The following RBMS3 variants were observed in gnomAD, a reference collection of about 807,000 sequenced individuals.
RBMS3 encodes the protein RNA-binding motif, single-stranded-interacting protein 3.
Under a neutral mutation model 66.8 loss-of-function variants are expected in RBMS3, and 27 were observed. That is an observed-to-expected ratio of 0.40 (90% CI 0.30 to 0.56). RBMS3 has a LOEUF of 0.56. Ranked by LOEUF, RBMS3 falls within the 20% of genes least tolerant of loss-of-function variation. The pLI, the probability that RBMS3 is intolerant of heterozygous loss-of-function variation, is 0.40. For synonymous variants in RBMS3, 188 were observed against 183.0 expected, an observed-to-expected ratio of 1.03 and a Z score of -0.22; for missense variants, 513 against 549.5, an observed-to-expected ratio of 0.93 and a Z score of 0.66.
chr3:29,553,775 T>C (rs76954829), intron 3 of RBMS3, among the ~76,000 whole-genome samples: 1,950 of 150,742 alleles, frequency 0.013, 42 homozygotes, highest in African/African-American at 0.045. Context: ...CATAAAACAA[T>C]TTTTATTACA....
At chr3:29,664,120 C>T (rs1460509564) in intron 4 of RBMS3, among the ~76,000 whole-genome samples, 5 of 152,064 alleles carry the variant, frequency 3.3e-5, no homozygotes, top group Admixed American at 6.6e-5. Flanking sequence ...AAGAGAATAA[C>T]GTCTCTAATT....
chr3:29,476,329 T>C (rs553761260), intron 2 of RBMS3, among the ~76,000 whole-genome samples: 4 of 152,372 alleles, frequency 2.6e-5, no homozygotes, highest in South Asian at 4.1e-4. Flanking sequence ...TAGAAGACTT[T>C]ACATACTCTT....
chr3:29,669,411 G>C (rs550015231), intron 4 of RBMS3, among the ~76,000 whole-genome samples: 2 of 152,296 alleles, frequency 1.3e-5, no homozygotes, highest in Admixed American at 1.3e-4. Flanking sequence ...AGACAATACT[G>C]AGTCACAGAA....
intron 1 of RBMS3, among the ~76,000 whole-genome samples, chr3:29,393,780 C>T (rs187054198): frequency 2.7e-5 from 4 of 147,756 alleles, no homozygotes; most frequent in South Asian, 4.5e-4. Flanking sequence ...TGGCAGGTTC[C>T]GTGATGCCCC....
chr3:29,655,556 G>A (rs1414572584), intron 4 of RBMS3, among the ~76,000 whole-genome samples: 8 of 152,280 alleles, frequency 5.3e-5, no homozygotes, highest in South Asian at 2.1e-4. Flanking sequence ...TCACATGTGC[G>A]TGATGATGCT....
intron 6 of RBMS3, among the ~76,000 whole-genome samples, chr3:29,809,099 A>T (rs555164193): frequency 2.0e-5 from 3 of 152,072 alleles, no homozygotes; most frequent in Non-Finnish European, 4.4e-5. Flanking sequence ...ATTTCATAAC[A>T]GTCAATGGAG....
At chr3:29,849,504 ACT>A (rs888002353) in intron 6 of RBMS3, among the ~76,000 whole-genome samples, 3 of 147,396 alleles carry the variant, frequency 2.0e-5, no homozygotes, top group Admixed American at 6.9e-5. Context: ...ACAGAGTGAG[ACT>A]CTGTCTCAAC....
chr3:29,844,656 G>T (rs1036683583), intron 6 of RBMS3, among the ~76,000 whole-genome samples: 1 of 152,150 alleles, frequency 6.6e-6, no homozygotes, highest in Admixed American at 6.5e-5. Context: ...TCAGATTTTT[G>T]ATTCAAACAA....
intron 10 of RBMS3, among the ~76,000 whole-genome samples, chr3:29,913,194 T>A (rs2060558420): frequency 6.6e-6 from 1 of 152,018 alleles, no homozygotes; most frequent in South Asian, 2.1e-4. Context: ...AACTATTTGA[T>A]GTGGACCATG....
intron 1 of RBMS3, among the ~76,000 whole-genome samples, chr3:29,384,426 T>TAAGAAGAAGAAGAAG (rs1260902457): frequency 6.4e-4 from 60 of 93,432 alleles, no homozygotes; most frequent in African/African-American, 1.2e-3. Flanking sequence ...CCAATAATAA[T>TAAGAAGAAGAAGAAG]AATAATAATA....
At chr3:29,400,511 G>A (rs1285205778) in intron 1 of RBMS3, among the ~76,000 whole-genome samples, 1 of 151,946 alleles carries the variant, frequency 6.6e-6, no homozygotes, top group Non-Finnish European at 1.5e-5. Flanking sequence ...TAGTGATTGT[G>A]CAACTATGTG....
intron 1 of RBMS3, among the ~76,000 whole-genome samples, chr3:29,426,006 A>G (rs2040944914): frequency 1.3e-5 from 2 of 152,162 alleles, no homozygotes; most frequent in Admixed American, 6.5e-5. Flanking sequence ...TATTGTTCAT[A>G]TTGTAGCTAA....
chr3:29,388,111 A>ACACACACACACG, intron 1 of RBMS3, among the ~76,000 whole-genome samples: 1 of 140,110 alleles, frequency 7.1e-6, no homozygotes, highest in Admixed American at 6.8e-5. Flanking sequence ...ACACACACAC[A>ACACACACACACG]TGTGTGTGTA....
At chr3:29,743,991 C>T (rs1009357746) in intron 5 of RBMS3, among the ~76,000 whole-genome samples, 9 of 145,646 alleles carry the variant, frequency 6.2e-5, no homozygotes, top group African/African-American at 1.8e-4. Flanking sequence ...TGAGAACATG[C>T]GGTGTTTGGT....
intron 1 of RBMS3, among the ~76,000 whole-genome samples, chr3:29,423,790 A>G (rs920110225): frequency 6.6e-6 from 1 of 152,230 alleles, no homozygotes; most frequent in African/African-American, 2.4e-5. Flanking sequence ...CTGTGAATTT[A>G]AATAGCTGCA....
chr3:29,742,050 C>T (rs990798478), intron 5 of RBMS3, among the ~76,000 whole-genome samples: 1 of 152,158 alleles, frequency 6.6e-6, no homozygotes, highest in Admixed American at 6.5e-5. Context: ...CAGTTCATAA[C>T]ACAAAGATTG....
At chr3:29,828,294 A>G (rs1443127014) in intron 6 of RBMS3, among the ~76,000 whole-genome samples, 2 of 151,972 alleles carry the variant, frequency 1.3e-5, no homozygotes, top group Non-Finnish European at 2.9e-5. Context: ...TTAGATATAT[A>G]CCTTCAACTT....
At chr3:29,885,735 T>A (rs1332946139) in intron 8 of RBMS3, among the ~76,000 whole-genome samples, 1 of 151,898 alleles carries the variant, frequency 6.6e-6, no homozygotes, top group Admixed American at 6.6e-5. Flanking sequence ...CATGCATGCA[T>A]ATGTATGCAC....
intron 1 of RBMS3, among the ~76,000 whole-genome samples, chr3:29,358,205 C>G (rs2037344181): frequency 6.6e-6 from 1 of 152,168 alleles, no homozygotes; most frequent in Admixed American, 6.5e-5. Context: ...TTTAATCCAT[C>G]TTGAATTAAT....
Sources: allele counts gnomAD v4.1 joint callset (sites outside exome capture counted in the v4.1 genomes callset), GRCh38; gene constraint gnomAD v4.1.1; transcripts MANE v1.5; gene names NCBI Gene and HGNC (gene_info 2026-07-23, HGNC 2026-07-21).